GPHN: variants seen among roughly 807,000 people sequenced by gnomAD.
GPHN encodes gephyrin.
A neutral mutation model predicts 95.5 loss-of-function variants in GPHN; 17 were observed. The ratio of observed to expected loss-of-function variants is 0.18; its 90% confidence interval spans 0.12 to 0.27. The LOEUF is 0.27. GPHN is among the 10% of genes least tolerant of loss of function. GPHN has a pLI of 1.00. For missense variants in GPHN, 660 were observed against 978.1 expected, an observed-to-expected ratio of 0.67 and a Z score of 4.34; for synonymous variants, 320 against 322.5, an observed-to-expected ratio of 0.99 and a Z score of 0.08.
At chr14:67,280,865 C>T in the GPHN span, among the ~76,000 whole-genome samples, 98 of 125,268 alleles carry the variant, frequency 7.8e-4, no homozygotes, top group Middle Eastern at 8.3e-3. Context: ...CCCTCCCTCC[C>T]TCCCTCCCTC....
the GPHN span, chr14:67,615,462 C>T: frequency 2.7e-5 from 8 of 301,272 alleles, no homozygotes; most frequent in Admixed American, 1.5e-4. Flanking sequence ...CTCTGTGCCT[C>T]GCTGAGGAAA....
chr14:67,435,601 T>G, the GPHN span, among the ~76,000 whole-genome samples: 20 of 152,210 alleles, frequency 1.3e-4, no homozygotes, highest in African/African-American at 4.6e-4. Flanking sequence ...AAGTTTTCTT[T>G]TATTTATCAA....
At chr14:67,609,945 C>T in the GPHN span, among the ~76,000 whole-genome samples, 2 of 152,188 alleles carry the variant, frequency 1.3e-5, no homozygotes, top group East Asian at 3.9e-4. Flanking sequence ...GGACAGGCTT[C>T]CCTGATGAGC....
At chr14:66,764,905 T>A (rs1218070635) in intron 2 of GPHN, among the ~76,000 whole-genome samples, 1 of 152,168 alleles carries the variant, frequency 6.6e-6, no homozygotes, top group African/African-American at 2.4e-5. Context: ...CAGTCATTAT[T>A]ATTTTAAAAA....
chr14:66,789,769 G>T (rs1235737234), intron 3 of GPHN, among the ~76,000 whole-genome samples: 1 of 152,192 alleles, frequency 6.6e-6, no homozygotes, highest in African/African-American at 2.4e-5. Flanking sequence ...GAGGGGTGGG[G>T]ACATCATCAT....
the GPHN span, among the ~76,000 whole-genome samples, chr14:67,653,709 TC>T: frequency 6.6e-6 from 1 of 152,222 alleles, no homozygotes; most frequent in Non-Finnish European, 1.5e-5. Context: ...AGAATCATCT[TC>T]CCAGGTTGCT....
At chr14:67,538,406 AG>A in the GPHN span, among the ~76,000 whole-genome samples, 1 of 152,212 alleles carries the variant, frequency 6.6e-6, no homozygotes, top group East Asian at 1.9e-4. Flanking sequence ...CCTCCATCTC[AG>A]GGATAAAGAG....
chr14:67,577,930 C>A, the GPHN span: 13 of 1,177,796 alleles, frequency 1.1e-5, no homozygotes, highest in Non-Finnish European at 1.6e-5. Context: ...TAAACTCTAA[C>A]CTCCCTGGAG....
the GPHN span, among the ~76,000 whole-genome samples, chr14:67,652,932 A>G: frequency 1.3e-5 from 2 of 151,898 alleles, no homozygotes; most frequent in Non-Finnish European, 2.9e-5. Flanking sequence ...CTGGGATTAC[A>G]GTGCCCGCCA....
chr14:67,148,856 G>A (rs917926638), intron 18 of GPHN, among the ~76,000 whole-genome samples: 11 of 151,542 alleles, frequency 7.3e-5, no homozygotes, highest in African/African-American at 1.7e-4. Flanking sequence ...GTGAGCCACC[G>A]CGCCCGGCCA....
the GPHN span, among the ~76,000 whole-genome samples, chr14:67,296,090 T>C: frequency 6.6e-6 from 1 of 151,762 alleles, no homozygotes; most frequent in African/African-American, 2.4e-5. Flanking sequence ...AATTCTGTTT[T>C]GGGAGGATGG....
intron 2 of GPHN, 56 bp from the exon 3 acceptor site, chr14:66,776,408 C>T (rs2059384039): frequency 2.0e-6 from 2 of 1,013,912 alleles, no homozygotes; most frequent in Admixed American, 1.7e-5. Context: ...AGAAATCTTT[C>T]ATACATTTTA....
chr14:67,579,178 A>C, the GPHN span: 1 of 1,609,846 alleles, frequency 6.2e-7, no homozygotes, highest in Non-Finnish European at 8.5e-7. Flanking sequence ...CGGGCAGTGG[A>C]GCGGACCCTG....
At chr14:67,278,759 T>C in the GPHN span, among the ~76,000 whole-genome samples, 5 of 152,232 alleles carry the variant, frequency 3.3e-5, no homozygotes, top group East Asian at 3.8e-4. Context: ...TGCTAAACTT[T>C]CCAGTATTGT....
chr14:67,192,312 G>A, the GPHN span, among the ~76,000 whole-genome samples: 8 of 152,144 alleles, frequency 5.3e-5, no homozygotes, highest in South Asian at 4.1e-4. Context: ...GTGTTTCCAT[G>A]ATAGCCCATA....
At chr14:67,653,820 T>C in the GPHN span, among the ~76,000 whole-genome samples, 7 of 152,234 alleles carry the variant, frequency 4.6e-5, no homozygotes, top group East Asian at 1.9e-4. Flanking sequence ...CCAGTGACTG[T>C]AGAGCAACTT....
the GPHN span, chr14:67,586,463 G>C: frequency 1.6e-6 from 2 of 1,263,816 alleles, no homozygotes; most frequent in Admixed American, 2.3e-5. Flanking sequence ...TAAGGTGCTC[G>C]CATGTTACCC....
chr14:67,068,209 A>T (rs75305141), intron 11 of GPHN, among the ~76,000 whole-genome samples: 4,138 of 152,312 alleles, frequency 0.027, 66 homozygotes, highest in Middle Eastern at 0.034. Context: ...TCTCAAATCA[A>T]TGTAAACATT....
chr14:67,680,648 G>A, the GPHN span, among the ~76,000 whole-genome samples: 68,231 of 151,910 alleles, frequency 0.45, 17,856 homozygotes, highest in Non-Finnish European at 0.61. Flanking sequence ...TTATAGAGAT[G>A]GGGTCTCATT....
Sources: gnomAD v4.1 joint callset for allele counts (sites outside exome capture counted in the v4.1 genomes callset) on GRCh38, gnomAD v4.1.1 for gene constraint, MANE v1.5 for transcripts, NCBI Gene and HGNC (gene_info 2026-07-23, HGNC 2026-07-21) for gene names.